Variants in HS3ST4 observed in about 807,000 individuals in gnomAD.
HS3ST4 encodes heparan sulfate-glucosamine 3-sulfotransferase 4.
Under a neutral mutation model 29.2 loss-of-function variants are expected in HS3ST4, and 17 were observed. The observed-to-expected ratio is 0.58, with a 90% CI of 0.40 to 0.87. The LOEUF (loss-of-function observed/expected upper bound fraction) is 0.87, where lower values mean the gene tolerates loss of function less well. Ranked by LOEUF, HS3ST4 falls within the 40% of genes least tolerant of loss-of-function variation. HS3ST4 has a pLI of 0.00. For synonymous variants in HS3ST4, 314 were observed against 285.7 expected (o/e 1.10, Z -1.00); for missense variants, 627 against 634.5 (o/e 0.99, Z 0.13).
intron 1 of HS3ST4, among the ~76,000 whole-genome samples, chr16:26,134,278 A>G (rs948841310): frequency 2.0e-5 from 3 of 151,950 alleles, no homozygotes; most frequent in Non-Finnish European, 4.4e-5. Flanking sequence ...ATATTGAGCC[A>G]TACCTATGCT....
chr16:26,067,511 C>A (rs976733744), intron 1 of HS3ST4, among the ~76,000 whole-genome samples: 1 of 152,036 alleles, frequency 6.6e-6, no homozygotes, highest in Non-Finnish European at 1.5e-5. Flanking sequence ...CACCCCCCAC[C>A]CCAGCCACCC....
intron 1 of HS3ST4, among the ~76,000 whole-genome samples, chr16:25,826,588 A>G (rs887351528): frequency 6.6e-6 from 1 of 152,110 alleles, no homozygotes; most frequent in Non-Finnish European, 1.5e-5. Flanking sequence ...AGAACCATGG[A>G]CCAAATGCAC....
chr16:25,693,116 C>G lies in HS3ST4; in HGVS notation c.699C>G (p.Phe233Leu). The G allele has an allele frequency of 6.2e-7, 1 of 1,608,810 alleles. No homozygotes were observed. The highest frequency in any genetic ancestry group is 8.5e-7 in the Non-Finnish European group (1 of 1,177,822). The change falls in exon 1 of 2, where the codon TTC becomes TTG. Residue 233 changes from phenylalanine to leucine, a missense_variant. Physicochemically the swap from Phe to Leu is conservative, Grantham distance 22. Transcript: ENST00000331351. ...CGGTGGGCGTAGAGCCGCACTTCTTCGACAGGAACTACGAAAAGGGGTTGG... is the reference window on the plus strand; with the variant it reads ...CGGTGGGCGTAGAGCCGCACTTCTTGGACAGGAACTACGAAAAGGGGTTGG... ...VRAVGVEPHF[F>L]DRNYEKGLEW... is the part of the protein sequence containing the mutation.
chr16:25,720,776 G>A (rs1966487475), intron 1 of HS3ST4, among the ~76,000 whole-genome samples: 1 of 152,182 alleles, frequency 6.6e-6, no homozygotes, highest in African/African-American at 2.4e-5. Flanking sequence ...CTGGACAGCT[G>A]GAAGAATGGA....
At chr16:26,076,180 A>T (rs1316202576) in intron 1 of HS3ST4, among the ~76,000 whole-genome samples, 1 of 152,220 alleles carries the variant, frequency 6.6e-6, no homozygotes, top group Non-Finnish European at 1.5e-5. Context: ...ATGATATACT[A>T]ACAGCAGGAA....
chr16:25,784,958 A>G (rs1159914780), intron 1 of HS3ST4, among the ~76,000 whole-genome samples: 2 of 152,192 alleles, frequency 1.3e-5, no homozygotes, highest in Admixed American at 6.5e-5. Flanking sequence ...GTTAGGAAGT[A>G]ATGCAGCTGG....
chr16:25,701,386 A>G (rs772387958), intron 1 of HS3ST4, among the ~76,000 whole-genome samples: 1 of 152,150 alleles, frequency 6.6e-6, no homozygotes. Context: ...AGAGTAGAGA[A>G]GCAGGGTTCT....
At chr16:25,792,793 T>C (rs1267240176) in intron 1 of HS3ST4, among the ~76,000 whole-genome samples, 1 of 151,802 alleles carries the variant, frequency 6.6e-6, no homozygotes. Flanking sequence ...ATTTTCCTTG[T>C]TTTCTTATTA....
chr16:25,739,467 C>T (rs1966636872), intron 1 of HS3ST4, among the ~76,000 whole-genome samples: 1 of 152,202 alleles, frequency 6.6e-6, no homozygotes, highest in Non-Finnish European at 1.5e-5. Flanking sequence ...TTCTATCTGC[C>T]TACTTTTGCT....
chr16:26,051,836 C>T (rs1021405502), intron 1 of HS3ST4, among the ~76,000 whole-genome samples: 1 of 150,330 alleles, frequency 6.7e-6, no homozygotes, highest in Admixed American at 6.6e-5. Context: ...CACTCCCTCC[C>T]GTCTCTTTCT....
intron 1 of HS3ST4, among the ~76,000 whole-genome samples, chr16:26,047,285 G>A (rs1898283015): frequency 6.6e-6 from 1 of 152,188 alleles, no homozygotes; most frequent in Admixed American, 6.5e-5. Flanking sequence ...AGAAGTGCCT[G>A]GCTTTATTTT....
intron 1 of HS3ST4, among the ~76,000 whole-genome samples, chr16:25,835,995 G>A (rs1356835498): frequency 6.6e-6 from 1 of 152,128 alleles, no homozygotes. Context: ...ATTCCGGAGG[G>A]CTGGGTGGCG....
At chr16:25,796,109 G>A (rs573629637) in intron 1 of HS3ST4, among the ~76,000 whole-genome samples, 3 of 152,242 alleles carry the variant, frequency 2.0e-5, no homozygotes, top group East Asian at 1.9e-4. Context: ...TAATTAGGCA[G>A]CCCTGAACCC....
intron 1 of HS3ST4, among the ~76,000 whole-genome samples, chr16:25,755,934 G>A (rs1179463862): frequency 1.3e-5 from 2 of 152,026 alleles, no homozygotes; most frequent in Non-Finnish European, 2.9e-5. Context: ...CTTGACTTAT[G>A]TCTTCATCAG....
intron 1 of HS3ST4, among the ~76,000 whole-genome samples, chr16:26,133,142 T>G (rs991543927): frequency 6.6e-6 from 1 of 152,126 alleles, no homozygotes; most frequent in African/African-American, 2.4e-5. Flanking sequence ...ATTTTTTTTT[T>G]CCTTGCCCTT....
At chr16:25,800,004 G>A (rs1248226903) in intron 1 of HS3ST4, among the ~76,000 whole-genome samples, 3 of 151,780 alleles carry the variant, frequency 2.0e-5, no homozygotes, top group African/African-American at 7.3e-5. Flanking sequence ...CACATGATCT[G>A]ACAGCTATAT....
intron 1 of HS3ST4, among the ~76,000 whole-genome samples, chr16:25,872,079 C>T (rs139400485): frequency 1.1e-4 from 16 of 152,224 alleles, no homozygotes; most frequent in African/African-American, 2.9e-4. Context: ...ACTTTGTTTG[C>T]GGGACTTTCC....
chr16:25,989,831 C>G (rs778838320), intron 1 of HS3ST4, among the ~76,000 whole-genome samples: 1 of 152,184 alleles, frequency 6.6e-6, no homozygotes, highest in Non-Finnish European at 1.5e-5. Flanking sequence ...TCAGCAAAGA[C>G]GCATTATGAT....
At chr16:26,092,857 G>A (rs537374246) in intron 1 of HS3ST4, among the ~76,000 whole-genome samples, 2 of 152,178 alleles carry the variant, frequency 1.3e-5, no homozygotes, top group South Asian at 4.2e-4. Context: ...ATGACAGACT[G>A]TACCTGGAAA....
Sources: gnomAD v4.1 joint callset for allele counts (sites outside exome capture counted in the v4.1 genomes callset) on GRCh38, gnomAD v4.1.1 for gene constraint, MANE v1.5 for transcripts, NCBI Gene and HGNC (gene_info 2026-07-23, HGNC 2026-07-21) for gene names.